ATP10A: variants seen among roughly 807,000 people sequenced by gnomAD.
ATP10A encodes the protein ATPase phospholipid transporting 10A (putative), also known as phospholipid-transporting ATPase VA.
In ATP10A, 111 loss-of-function variants were observed where a neutral mutation model predicts 147.8. The observed-to-expected ratio is 0.75, with a 90% confidence interval of 0.64 to 0.88. ATP10A has a LOEUF of 0.88. Ranked by LOEUF, ATP10A falls within the 40% of genes least tolerant of loss-of-function variation. ATP10A has a pLI of 0.00. For synonymous variants in ATP10A, 875 were observed against 841.6 expected, an observed-to-expected ratio of 1.04 and a Z score of -0.69; for missense variants, 1,927 against 1,959.0, an observed-to-expected ratio of 0.98 and a Z score of 0.31.
chr15:25,835,409 G>T (rs1892546180), intron 1 of ATP10A, among the ~76,000 whole-genome samples: 1 of 152,174 alleles, frequency 6.6e-6, no homozygotes, highest in Non-Finnish European at 1.5e-5. Flanking sequence ...TACGTGAAGT[G>T]GGTCTCAATA....
At chr15:25,746,897 C>T (rs549365917) in intron 2 of ATP10A, among the ~76,000 whole-genome samples, 37 of 152,162 alleles carry the variant, frequency 2.4e-4, no homozygotes, top group Middle Eastern at 3.4e-3. Flanking sequence ...TGGAGATTTT[C>T]GGATTAGGAA....
chr15:25,793,283 A>G (rs1890518755), intron 1 of ATP10A, among the ~76,000 whole-genome samples: 1 of 152,184 alleles, frequency 6.6e-6, no homozygotes, highest in South Asian at 2.1e-4. Flanking sequence ...AGCTCTTGGG[A>G]GAATGAGCAC....
chr15:25,848,292 T>C lies in ATP10A; in HGVS notation c.449+14356A>G, dbSNP rs374199580. ...GAAGTAACACAAATTTGGGGAGTTT[T>C]ATTTTATTTATTTCATTTTATAGAG... On this transcript the variant is annotated intron_variant, in intron 1 of 20. Transcript: ENST00000555815. Among the ~76,000 whole-genome samples, 22 of 152,220 alleles carry C rather than the reference T, an allele frequency of 1.4e-4. No individual in the cohort carries two copies. In the East Asian group the frequency reaches 3.5e-3, roughly 24 times the overall value.
At chr15:25,821,019 A>G (rs1449282583) in intron 1 of ATP10A, among the ~76,000 whole-genome samples, 1 of 152,238 alleles carries the variant, frequency 6.6e-6, no homozygotes, top group Non-Finnish European at 1.5e-5. Context: ...ATAAACATAC[A>G]TTACAGTCAT....
chr15:25,782,570 T>C (rs1243543965), intron 1 of ATP10A, among the ~76,000 whole-genome samples: 1 of 152,154 alleles, frequency 6.6e-6, no homozygotes, highest in African/African-American at 2.4e-5. Context: ...TACTTGGCAG[T>C]TGGAAGGCCC....
At position 25,724,020 on chromosome 15, in the gene ATP10A, T is replaced by A. The variant is rs890758908; in HGVS notation, c.981A>T (p.Gly327=). The part of the protein sequence containing the change: ...LVCMSLFSAV[G]HGLWIWRYQE... ...GATACCGCCATATCCACAGTCCATG[T>A]CCTGTAGTAATGTTCAAAGAGAAAT... Residue 327 remains glycine, a splice_region_variant and synonymous_variant, in exon 6 of 21, where the codon GGA becomes GGT. Transcript: ENST00000555815. The A allele has an allele frequency of 2.5e-6, 4 of 1,572,238 alleles. No homozygotes were observed. Among genetic ancestry groups the A allele is most frequent in the Admixed American group, 1.9e-5 (1 of 52,054 alleles).
chr15:25,727,099 G>A (rs1902623988), intron 4 of ATP10A, 61 bp downstream of exon 4: 1 of 1,200,946 alleles, frequency 8.3e-7, no homozygotes. Flanking sequence ...AAACAGTGAG[G>A]GGAAGTGCTG....
intron 1 of ATP10A, among the ~76,000 whole-genome samples, chr15:25,836,616 G>A (rs999165477): frequency 3.3e-5 from 5 of 152,318 alleles, no homozygotes; most frequent in Admixed American, 1.3e-4. Flanking sequence ...CGCGGCCAGA[G>A]CTGAGCAGCC....
intron 1 of ATP10A, among the ~76,000 whole-genome samples, chr15:25,790,767 G>A (rs538366729): frequency 3.5e-4 from 53 of 152,030 alleles, no homozygotes; most frequent in Non-Finnish European, 7.1e-4. Context: ...GCATATAATG[G>A]TACATTCTCA....
intron 15 of ATP10A, among the ~76,000 whole-genome samples, chr15:25,690,240 TA>T (rs35580193): frequency 0.039 from 3,653 of 93,952 alleles, 94 homozygotes; most frequent in African/African-American, 0.085. Context: ...TCCTTTTTTT[TA>T]AAAAAAAAAA....
chr15:25,753,320 T>C (rs1888248774), intron 2 of ATP10A, among the ~76,000 whole-genome samples: 1 of 152,160 alleles, frequency 6.6e-6, no homozygotes, highest in South Asian at 2.1e-4. Flanking sequence ...GCATTCCACA[T>C]ATAAGTGAGT....
chr15:25,737,709 T>C (rs1349724875), intron 2 of ATP10A, among the ~76,000 whole-genome samples: 2 of 152,178 alleles, frequency 1.3e-5, no homozygotes, highest in East Asian at 3.9e-4. Flanking sequence ...ATTGAAGTCC[T>C]AACCCCACGT....
chr15:25,773,894 C>G (rs184202629), intron 2 of ATP10A, among the ~76,000 whole-genome samples: 9 of 152,096 alleles, frequency 5.9e-5, no homozygotes, highest in Non-Finnish European at 2.9e-5. Context: ...TTAACTGCGT[C>G]GATCTCACAT....
At chr15:25,845,298 A>C in intron 1 of ATP10A, among the ~76,000 whole-genome samples, 1 of 150,386 alleles carries the variant, frequency 6.6e-6, no homozygotes, top group Non-Finnish European at 1.5e-5. Context: ...AAAATCAGGA[A>C]ATCAGCACGG....
At chr15:25,722,290 A>C (rs7168235) in intron 6 of ATP10A, among the ~76,000 whole-genome samples, 1 of 152,174 alleles carries the variant, frequency 6.6e-6, no homozygotes, top group African/African-American at 2.4e-5. Flanking sequence ...ACCACACTCC[A>C]TGGTGGCATT....
At position 25,694,846 on chromosome 15, in the gene ATP10A, T is replaced by C; in HGVS notation, c.3061A>G (p.Lys1021Glu). The change falls in exon 14 of 21, where the codon AAG (lysine) becomes GAG (glutamate). Residue 1021 changes from lysine (K) to glutamate (E), a missense_variant. Transcript: ENST00000555815. ...ATGGCCAGGGTCATGGCCTTGAGCT[T>C]GCTCCGCACCAGCTTCACCACCATG... is the stretch of plus-strand genomic sequence containing the variant. ...KSMVVKLVRSKLKAMTLAIGD... is the reference protein window; with the variant it reads ...KSMVVKLVRSELKAMTLAIGD... 6.2e-7 allele frequency: 1 copy of C among 1,613,404 alleles called. No individual in the cohort carries two copies. The highest frequency in any genetic ancestry group is 8.5e-7 in the Non-Finnish European group (1 of 1,179,568).
At chr15:25,751,449 A>G (rs1888152781) in intron 2 of ATP10A, among the ~76,000 whole-genome samples, 1 of 152,126 alleles carries the variant, frequency 6.6e-6, no homozygotes, top group Admixed American at 6.5e-5. Flanking sequence ...TCCACCTAAA[A>G]ACAGCAGAAT....
At chr15:25,830,582 CG>C (rs201058755) in intron 1 of ATP10A, among the ~76,000 whole-genome samples, 3,152 of 152,084 alleles carry the variant, frequency 0.021, 60 homozygotes, top group Non-Finnish European at 0.031. Context: ...CCTTTCTCTC[CG>C]GGGGGGTCCT....
intron 1 of ATP10A, among the ~76,000 whole-genome samples, chr15:25,855,655 C>T (rs542109035): frequency 6.6e-6 from 1 of 152,106 alleles, no homozygotes; most frequent in South Asian, 2.1e-4. Context: ...GAAGGACATC[C>T]ATTTTTGCCA....
Sources: gnomAD v4.1 joint callset for allele counts (sites outside exome capture counted in the v4.1 genomes callset) on GRCh38, gnomAD v4.1.1 for gene constraint, MANE v1.5 for transcripts, NCBI Gene and HGNC (gene_info 2026-07-23, HGNC 2026-07-21) for gene names.